The following PRKCB variants were observed in gnomAD, a reference collection of about 807,000 sequenced individuals.
The protein encoded by PRKCB is protein kinase C beta type.
PRKCB carries 13 observed loss-of-function variants against 81.5 expected under a neutral mutation model. That is an observed-to-expected ratio of 0.16 (90% CI 0.10 to 0.25). The LOEUF (loss-of-function observed/expected upper bound fraction) is 0.25, where lower values mean the gene tolerates loss of function less well. Among genes scored for constraint, PRKCB ranks in the 10% least tolerant of loss-of-function variants. PRKCB has a pLI of 1.00. For synonymous variants in PRKCB, 335 were observed against 321.4 expected, an observed-to-expected ratio of 1.04 and a Z score of -0.45; for missense variants, 509 against 875.7, an observed-to-expected ratio of 0.58 and a Z score of 5.29.
At position 24,072,405 on chromosome 16, in the gene PRKCB, C is replaced by T. The variant is rs190366916; in HGVS notation, c.530-20386C>T. ...ACATCAGCCTCCTAAGTAGCTGGGA[C>T]TGTAGGCATGCACCACCATGCTCAG... On this transcript the variant is annotated intron_variant, in intron 5 of 16. Transcript: ENST00000643927. Among the ~76,000 whole-genome samples, 919 of 151,364 alleles carry T rather than the reference C, an allele frequency of 6.1e-3. 8 individuals are homozygous for T. The highest frequency in any genetic ancestry group is 0.021 in the African/African-American group (876 of 41,212).
At chr16:24,007,783 G>C (rs901975521) in intron 3 of PRKCB, among the ~76,000 whole-genome samples, 114 of 152,298 alleles carry the variant, frequency 7.5e-4, no homozygotes, top group African/African-American at 2.5e-3. Context: ...GTAATTTCTG[G>C]AGCCTGCAGG....
chr16:23,847,464 CCATCCAT>C lies in PRKCB; in HGVS notation c.205+10060_205+10066del, dbSNP rs1167295438. Among the ~76,000 whole-genome samples the C allele has an allele frequency of 2.1e-4, 32 of 150,254 alleles. 1 individual carries two copies. Among genetic ancestry groups the C allele is most frequent in the South Asian group, 2.1e-3 (10 of 4,776 alleles). On this transcript the variant is annotated intron_variant, in intron 2 of 16. Transcript: ENST00000643927. ...TCCATCCATCCATCCATCCATCCAT[CCATCCAT>C]CCATCCACCCAGCTATTCTTCCATT... is the stretch of plus-strand genomic sequence containing the variant.
At chr16:24,045,054 C>T (rs1458969467) in intron 5 of PRKCB, among the ~76,000 whole-genome samples, 1 of 152,022 alleles carries the variant, frequency 6.6e-6, no homozygotes, top group Non-Finnish European at 1.5e-5. Flanking sequence ...TGTGTTGTGT[C>T]TCTGTAGTTT....
At chr16:23,996,455 C>T (rs1012386089) in intron 3 of PRKCB, among the ~76,000 whole-genome samples, 2 of 152,212 alleles carry the variant, frequency 1.3e-5, no homozygotes, top group African/African-American at 2.4e-5. Flanking sequence ...GAGACCAACA[C>T]TGAGTTCCTG....
At chr16:24,021,030 T>TTCTTTCTTTC (rs1266165407) in intron 3 of PRKCB, among the ~76,000 whole-genome samples, 1 of 140,402 alleles carries the variant, frequency 7.1e-6, no homozygotes, top group African/African-American at 2.7e-5. Context: ...CTTTCTTTCT[T>TTCTTTCTTTC]TCTTTCTTTC....
At chr16:24,045,789 A>C (rs1287415664) in intron 5 of PRKCB, among the ~76,000 whole-genome samples, 1 of 152,238 alleles carries the variant, frequency 6.6e-6, no homozygotes, top group Non-Finnish European at 1.5e-5. Flanking sequence ...ATGCACTGTA[A>C]CATTCGAGCA....
At chr16:24,133,418 T>C (rs1966856476) in intron 9 of PRKCB, among the ~76,000 whole-genome samples, 1 of 152,168 alleles carries the variant, frequency 6.6e-6, no homozygotes. Context: ...AGAGGGCCCA[T>C]GAGAATGGCT....
chr16:23,950,139 T>G (rs1224232917), intron 2 of PRKCB, among the ~76,000 whole-genome samples: 38 of 141,090 alleles, frequency 2.7e-4, no homozygotes, highest in African/African-American at 3.1e-4. Flanking sequence ...TGAATTTTTT[T>G]TTTTTTTTTT....
At chr16:24,106,388 G>A (rs1966578836) in intron 7 of PRKCB, among the ~76,000 whole-genome samples, 1 of 152,140 alleles carries the variant, frequency 6.6e-6, no homozygotes, top group Non-Finnish European at 1.5e-5. Context: ...TAAGAAATTG[G>A]AGAATTTCAG....
intron 2 of PRKCB, among the ~76,000 whole-genome samples, chr16:23,908,713 G>T (rs1963604832): frequency 2.0e-5 from 3 of 151,088 alleles, no homozygotes; most frequent in Admixed American, 6.6e-5. Flanking sequence ...TGTATTTTTA[G>T]TAGAGACGGG....
intron 16 of PRKCB, among the ~76,000 whole-genome samples, chr16:24,206,244 C>T (rs1414727052): frequency 6.6e-6 from 1 of 152,182 alleles, no homozygotes; most frequent in African/African-American, 2.4e-5. Flanking sequence ...CAGCTTTGAG[C>T]ATCTGATTCT....
At chr16:24,074,047 A>G (rs888973410) in intron 5 of PRKCB, among the ~76,000 whole-genome samples, 7 of 151,926 alleles carry the variant, frequency 4.6e-5, no homozygotes, top group Non-Finnish European at 5.9e-5. Flanking sequence ...AGGCAGGAGA[A>G]TGGCATGAAC....
rs1320352488 is a variant in PRKCB at position 24,035,566 on chromosome 16, C to T, written c.529+19C>T. On this transcript the variant is annotated intron_variant, in intron 5 of 16. Transcript: ENST00000643927. ...GTCCTCGGTAGGTGGCCCTGGGGCT[C>T]CACTGGCTCCTGACCTTGCTTGACC... 11 of 1,611,430 alleles carry T rather than the reference C, an allele frequency of 6.8e-6. No homozygotes were observed. Among genetic ancestry groups the T allele is most frequent in the Non-Finnish European group, 9.3e-6 (11 of 1,178,758 alleles).
chr16:23,918,509 G>A (rs1331618997), intron 2 of PRKCB, among the ~76,000 whole-genome samples: 1 of 152,030 alleles, frequency 6.6e-6, no homozygotes, highest in Non-Finnish European at 1.5e-5. Context: ...AGATTCTCGT[G>A]CCTCAGCCAC....
intron 2 of PRKCB, among the ~76,000 whole-genome samples, chr16:23,858,105 T>G (rs1212151410): frequency 6.6e-6 from 1 of 152,158 alleles, no homozygotes; most frequent in East Asian, 1.9e-4. Context: ...AGGATGATGA[T>G]GATGATGATG....
chr16:24,205,145 CTTT>C (rs71154289), intron 16 of PRKCB, among the ~76,000 whole-genome samples: 4 of 115,664 alleles, frequency 3.5e-5, no homozygotes, highest in Admixed American at 9.8e-5. Flanking sequence ...ATTATAATTC[CTTT>C]TTTTTTTTTT....
chr16:23,939,244 A>C (rs1377012378), intron 2 of PRKCB, among the ~76,000 whole-genome samples: 1 of 152,232 alleles, frequency 6.6e-6, no homozygotes, highest in South Asian at 2.1e-4. Flanking sequence ...GAATATCTAC[A>C]TAAATGAAGA....
intron 2 of PRKCB, among the ~76,000 whole-genome samples, chr16:23,841,649 CTTTTTTTTTTT>C (rs59288831): frequency 1.7e-5 from 1 of 59,046 alleles, no homozygotes. Flanking sequence ...CACCACGGCC[CTTTTTTTTTTT>C]TTTTTTTTTT....
At chr16:24,198,895 G>A (rs1366489740) in intron 16 of PRKCB, among the ~76,000 whole-genome samples, 1 of 152,152 alleles carries the variant, frequency 6.6e-6, no homozygotes, top group African/African-American at 2.4e-5. Flanking sequence ...CAACCATCCA[G>A]TCCTGTCTAG....
Sources: gnomAD v4.1 joint callset for allele counts (sites outside exome capture counted in the v4.1 genomes callset) on GRCh38, gnomAD v4.1.1 for gene constraint, MANE v1.5 for transcripts, NCBI Gene and HGNC (gene_info 2026-07-23, HGNC 2026-07-21) for gene names.